The following SYDE2 variants were observed in gnomAD, a reference collection of about 807,000 sequenced individuals.
SYDE2 encodes the protein rho GTPase-activating protein SYDE2.
In SYDE2, 76 loss-of-function variants were observed where a neutral mutation model predicts 91.5. That is an observed-to-expected ratio of 0.83 (90% CI 0.69 to 1.01). The LOEUF (loss-of-function observed/expected upper bound fraction) is 1.01. SYDE2 is among the 50% of genes least tolerant of loss of function. The pLI, the probability that SYDE2 is intolerant of heterozygous loss-of-function variation, is 0.00. For synonymous variants in SYDE2, 513 were observed against 506.4 expected (o/e 1.01, Z -0.18); for missense variants, 1,364 against 1,367.7 (o/e 1.00, Z 0.04).
downstream of SYDE2, among the ~76,000 whole-genome samples, chr1:85,155,693 G>A (rs986531319): frequency 6.6e-6 from 1 of 152,100 alleles, no homozygotes; most frequent in African/African-American, 2.4e-5. Flanking sequence ...ATACATAGAA[G>A]GAGATAAATC....
At chr1:85,155,009 C>CAAAAAAAAAAAAAAAGAAAAAAA (rs1656844383), downstream of SYDE2, among the ~76,000 whole-genome samples, 1 of 80,676 alleles carries the variant, frequency 1.2e-5, no homozygotes. Context: ...AAGAATGCAG[C>CAAAAAAAAAAAAAAAGAAAAAAA]AAAAAAAAAA....
Position 85,182,226 on chromosome 1 carries a change from C to G in SYDE2, c.2416G>C (p.Asp806His), listed in dbSNP as rs1186024786. ...AATATTATTGGTTCTTGGTTTATAT[C>G]TAGTCCATGAAGAGAATTCTCCCAC... ...EQWENSLHGLDINQEPIIFGV... is the reference protein window; with the variant it reads ...EQWENSLHGLHINQEPIIFGV... Residue 806 changes from aspartate (D) to histidine (H), a missense_variant, in exon 3 of 7, where the codon GAT becomes CAT. Transcript: ENST00000341460. The G allele has an allele frequency of 1.9e-6, 3 of 1,609,732 alleles. No individual in the cohort carries two copies. In the African/African-American group the frequency reaches 4.0e-5, roughly 22 times the overall value.
intron 1 of SYDE2, among the ~76,000 whole-genome samples, chr1:85,192,929 T>C (rs1398986011): frequency 6.6e-6 from 1 of 152,182 alleles, no homozygotes; most frequent in African/African-American, 2.4e-5. Flanking sequence ...ATCTTATAAA[T>C]TAAAGTGGCT....
intron 2 of SYDE2, among the ~76,000 whole-genome samples, chr1:85,186,275 TGCCTG>T (rs1426903803): frequency 6.6e-6 from 1 of 152,190 alleles, no homozygotes; most frequent in East Asian, 1.9e-4. Flanking sequence ...GTTGTGTCTC[TGCCTG>T]GCTTTGGTAT....
chr1:85,155,411 A>G (rs1349662446), downstream of SYDE2, among the ~76,000 whole-genome samples: 1 of 152,180 alleles, frequency 6.6e-6, no homozygotes, highest in African/African-American at 2.4e-5. Context: ...ACTGAGGCGG[A>G]AAGGATCGCT....
At position 85,182,713 on chromosome 1, in the gene SYDE2, TC is replaced by T; in HGVS notation, c.1928del (p.Gly643GlufsTer6). The T allele has an allele frequency of 1.2e-6, 2 of 1,613,782 alleles. No homozygotes were observed. Among genetic ancestry groups the T allele is most frequent in the Non-Finnish European group, 1.7e-6 (2 of 1,179,836 alleles). On this transcript the variant is annotated frameshift_variant, in exon 3 of 7. Coordinates refer to ENST00000341460, the MANE Select transcript of SYDE2 (RefSeq NM_032184.2). LOFTEE classifies it high-confidence loss of function. ...ASKHGSENKF[G>X]KGKEIISNSC... is the part of the protein sequence containing the mutation. ...TATTTGAAATTATTTCTTTTCCTTTTCCAAATTTGTTTTCAGATCCATGTTT... is the reference window on the plus strand; with the variant it reads ...TATTTGAAATTATTTCTTTTCCTTTTCAAATTTGTTTTCAGATCCATGTTT...
At chr1:85,170,845 G>A (rs1333832541) in intron 4 of SYDE2, among the ~76,000 whole-genome samples, 1 of 152,148 alleles carries the variant, frequency 6.6e-6, no homozygotes, top group East Asian at 1.9e-4. Flanking sequence ...TACTAGAATT[G>A]TTTCTTATCT....
In SYDE2 at chr1:85,200,267, T is replaced by C; in HGVS notation, c.730A>G (p.Arg244Gly). ...AGTATCCTACCTGTCAGCGTAATTCTTTGGTCTGGAGGCACCGACAGGACA... is the reference window on the plus strand; with the variant it reads ...AGTATCCTACCTGTCAGCGTAATTCCTTGGTCTGGAGGCACCGACAGGACA... ...NRVLSVPPDQRITLTDLFENA... is the reference protein window; with the variant it reads ...NRVLSVPPDQGITLTDLFENA... The change falls in exon 1 of 7, where the codon AGA becomes GGA. Residue 244 changes from arginine (R) to glycine (G), a missense_variant. Arg to Gly is a moderately radical substitution (Grantham distance 125). Transcript: ENST00000341460. 6.2e-7 allele frequency: 1 copy of C among 1,613,982 alleles called. No individual in the cohort carries two copies. Among genetic ancestry groups the C allele is most frequent in the Non-Finnish European group, 8.5e-7 (1 of 1,179,896 alleles).
At chr1:85,163,715 G>A (rs539462023) in intron 6 of SYDE2, among the ~76,000 whole-genome samples, 55 of 151,864 alleles carry the variant, frequency 3.6e-4, no homozygotes, top group African/African-American at 1.3e-3. Flanking sequence ...ACGGTTACTA[G>A]TGTGCTCTAC....
intron 1 of SYDE2, among the ~76,000 whole-genome samples, chr1:85,198,486 A>G (rs1007027881): frequency 4.6e-5 from 7 of 152,200 alleles, no homozygotes; most frequent in Non-Finnish European, 1.0e-4. Context: ...GTAACATCTG[A>G]GAGTTGTTTA....
chr1:85,194,426 A>G (rs1033157605), intron 1 of SYDE2, among the ~76,000 whole-genome samples: 58 of 148,150 alleles, frequency 3.9e-4, no homozygotes, highest in Non-Finnish European at 6.7e-4. Flanking sequence ...ACTGTTGCCT[A>G]TATATTAAAT....
intron 1 of SYDE2, among the ~76,000 whole-genome samples, chr1:85,197,251 T>C (rs1308605654): frequency 1.3e-5 from 2 of 152,184 alleles, no homozygotes; most frequent in Admixed American, 6.5e-5. Flanking sequence ...CATCAAATCA[T>C]TTGTCATTAT....
Position 85,182,232 on chromosome 1 carries a change from C to G in SYDE2, c.2410G>C (p.Gly804Arg). The change falls in exon 3 of 7, where the codon GGA (glycine) becomes CGA (arginine). Residue 804 changes from glycine (G) to arginine (R), a missense_variant. Coordinates refer to ENST00000341460, the MANE Select transcript of SYDE2 (RefSeq NM_032184.2). ...LMEQWENSLH[G>R]LDINQEPIIF... The stretch of plus-strand genomic sequence containing the variant: ...ATTGGTTCTTGGTTTATATCTAGTC[C>G]ATGAAGAGAATTCTCCCACTGTTCC... 6.2e-7 allele frequency: 1 copy of G among 1,609,666 alleles called. No homozygotes were observed. The highest frequency in any genetic ancestry group is 1.3e-5 in the African/African-American group (1 of 74,668).
chr1:85,187,259 G>GA (rs1453431273), intron 2 of SYDE2, among the ~76,000 whole-genome samples: 1 of 152,098 alleles, frequency 6.6e-6, no homozygotes, highest in Non-Finnish European at 1.5e-5. Flanking sequence ...AAAAACACAT[G>GA]AAAAAATGCT....
At chr1:85,198,861 T>G (rs1344203997) in intron 1 of SYDE2, among the ~76,000 whole-genome samples, 4 of 152,174 alleles carry the variant, frequency 2.6e-5, no homozygotes, top group Admixed American at 6.5e-5. Flanking sequence ...GATTACAAAT[T>G]ACTCCTGGAA....
At chr1:85,165,667 CA>C (rs935938694) in intron 5 of SYDE2, among the ~76,000 whole-genome samples, 21 of 150,058 alleles carry the variant, frequency 1.4e-4, no homozygotes, top group South Asian at 8.4e-4. Context: ...AAAAAATTAC[CA>C]AAAAAAATAT....
Position 85,200,789 on chromosome 1 carries a change from G to C in SYDE2, c.208C>G (p.Arg70Gly). Residue 70 changes from arginine to glycine, a missense_variant, in exon 1 of 7, where the codon CGG (arginine) becomes GGG (glycine). Transcript: ENST00000341460. ...CGAGGAGTCCGCAGCTGGCCTCCCCGCGGCTCCCTCTGAGGCGACCGGGGC... is the reference window on the plus strand; with the variant it reads ...CGAGGAGTCCGCAGCTGGCCTCCCCCCGGCTCCCTCTGAGGCGACCGGGGC... The part of the protein sequence containing the change: ...SPPRSPQREP[R>G]GGQLRTPRMR... 4 of 1,513,480 alleles carry C rather than the reference G, an allele frequency of 2.6e-6. No individual in the cohort carries two copies. Among genetic ancestry groups the C allele is most frequent in the Non-Finnish European group, 3.5e-6 (4 of 1,136,996 alleles). 93.8% of individuals were successfully genotyped at this position (1,513,480 alleles called of 1,614,324 possible). A position where few individuals can be genotyped will look rare whatever the true frequency, so the allele number is the denominator to read the frequency against.
rs1287190274 is a variant in SYDE2, at chr1:85,200,458, A to T, written c.539T>A (p.Phe180Tyr). ...GACTGTCACTGCCGGCGGCCTGAGGAAGGAGGGGCCTTCCTGGCGGTCTCC... is the reference window on the plus strand; with the variant it reads ...GACTGTCACTGCCGGCGGCCTGAGGTAGGAGGGGCCTTCCTGGCGGTCTCC... Reference protein sequence around the residue: ...GKGDRQEGPSFLRPPAVTVKK... With the variant: ...GKGDRQEGPSYLRPPAVTVKK... Residue 180 changes from phenylalanine to tyrosine, a missense_variant, in exon 1 of 7, where the codon TTC becomes TAC. Phe to Tyr is a conservative substitution (Grantham distance 22). Coordinates refer to ENST00000341460, the MANE Select transcript of SYDE2 (RefSeq NM_032184.2). The T allele has an allele frequency of 1.2e-6, 2 of 1,613,884 alleles. No homozygotes were observed. Among genetic ancestry groups the T allele is most frequent in the East Asian group, 4.5e-5 (2 of 44,860 alleles).
At chr1:85,160,036 C>T in intron 6 of SYDE2, 1 of 984,618 alleles carries the variant, frequency 1.0e-6, no homozygotes, top group Non-Finnish European at 1.2e-6. Flanking sequence ...AAGGTTTACT[C>T]TTGTGTGTTG....
Sources: gnomAD v4.1 joint callset for allele counts (sites outside exome capture counted in the v4.1 genomes callset) on GRCh38, gnomAD v4.1.1 for gene constraint, MANE v1.5 for transcripts, NCBI Gene and HGNC (gene_info 2026-07-23, HGNC 2026-07-21) for gene names.